The following ACSM5 variants were observed in gnomAD, a reference collection of about 807,000 sequenced individuals.
ACSM5 encodes the protein acyl-CoA synthetase medium chain family member 5, also known as acyl-coenzyme A synthetase ACSM5, mitochondrial.
Under a neutral mutation model 71.6 loss-of-function variants are expected in ACSM5, and 56 were observed. The ratio of observed to expected loss-of-function variants is 0.78; its 90% CI spans 0.63 to 0.98. The LOEUF (loss-of-function observed/expected upper bound fraction) is 0.98, where lower values mean the gene tolerates loss of function less well. ACSM5 is among the 50% of genes least tolerant of loss of function. The pLI is 0.00. For missense variants in ACSM5, 723 were observed against 726.0 expected (o/e 1.00, Z 0.05); for synonymous variants, 285 against 281.5 (o/e 1.01, Z -0.12).
At chr16:20,429,916 G>T (rs1201145147) in intron 8 of ACSM5, 115 bp downstream of exon 8, 23 of 1,305,400 alleles carry the variant, frequency 1.8e-5, no homozygotes, top group Non-Finnish European at 2.4e-5. Flanking sequence ...CAGGGGAGAA[G>T]CTGATAACAA....
At chr16:20,423,489 C>G (rs566944203) in intron 5 of ACSM5, among the ~76,000 whole-genome samples, 39 of 152,326 alleles carry the variant, frequency 2.6e-4, no homozygotes, top group African/African-American at 7.2e-4. Context: ...TATAATTGCA[C>G]AAGGCTTTGT....
chr16:20,420,833 C>G (rs1398100740), intron 4 of ACSM5, among the ~76,000 whole-genome samples: 1 of 152,156 alleles, frequency 6.6e-6, no homozygotes, highest in African/African-American at 2.4e-5. Context: ...AGCTGATCAT[C>G]CAGATCACAG....
intron 12 of ACSM5, among the ~76,000 whole-genome samples, 199 bp from the exon 13 acceptor site, chr16:20,439,601 C>T (rs951655312): frequency 1.3e-5 from 2 of 150,942 alleles, no homozygotes; most frequent in African/African-American, 4.9e-5. Context: ...CCAGAAAGGT[C>T]AATCCTCCTA....
Position 20,419,359 on chromosome 16 carries a change from T to G in ACSM5, c.547T>G (p.Cys183Gly), listed in dbSNP as rs1460674928. ...AAGGGTGGATGCCATCAGTGCCGAA[T>G]GCCCCTCCCTCCAGACCAAGCTGCT... ...APRVDAISAE[C>G]PSLQTKLLVS... The change falls in exon 4 of 14, where the codon TGC (cysteine) becomes GGC (glycine). Residue 183 changes from cysteine (C) to glycine (G), a missense_variant. By Grantham distance (159) the Cys-to-Gly change is radical (BLOSUM62 -3). Coordinates refer to ENST00000331849, the MANE Select transcript of ACSM5 (RefSeq NM_017888.3). 1 of 1,614,192 alleles carries G rather than the reference T, an allele frequency of 6.2e-7. No individual in the cohort carries two copies.
chr16:20,410,789 A>G (rs1596608621), intron 1 of ACSM5, among the ~76,000 whole-genome samples: 1 of 152,084 alleles, frequency 6.6e-6, no homozygotes, highest in Non-Finnish European at 1.5e-5. Context: ...AAAAGACACT[A>G]AAAGCCCATC....
At chr16:20,436,104 C>T (rs1311789340) in intron 10 of ACSM5, among the ~76,000 whole-genome samples, 1 of 134,272 alleles carries the variant, frequency 7.4e-6, no homozygotes, top group Admixed American at 7.6e-5. Context: ...CTCTTTCTTT[C>T]TTTCTTTTTC....
At chr16:20,429,840 C>A (rs777367807) in intron 8 of ACSM5, 39 bp downstream of exon 8, 2 of 1,603,068 alleles carry the variant, frequency 1.2e-6, no homozygotes, top group Non-Finnish European at 1.7e-6. Flanking sequence ...CCCCCAGGTC[C>A]CCTCGAGAGC....
chr16:20,415,753 A>G (rs530102660), intron 2 of ACSM5, among the ~76,000 whole-genome samples: 23 of 152,336 alleles, frequency 1.5e-4, no homozygotes, highest in African/African-American at 4.6e-4. Context: ...ACAATCACAG[A>G]TGATTAAGGG....
At chr16:20,412,074 G>A (rs1014944916) in intron 2 of ACSM5, 36 of 249,598 alleles carry the variant, frequency 1.4e-4, no homozygotes, top group African/African-American at 6.3e-4. Flanking sequence ...GGCCGGGCGC[G>A]GTGGCTCATG....
Position 20,411,703 on chromosome 16 carries a change from G to A in ACSM5, c.204+15G>A. 2 of 1,613,110 alleles carry A rather than the reference G, an allele frequency of 1.2e-6. No individual in the cohort carries two copies. Among genetic ancestry groups the A allele is most frequent in the African/African-American group, 1.3e-5 (1 of 75,022 alleles). ...GGCTGGAAGAGGTGAAGCCTGTTCTGTCCTAGAGTCCATCTGGGGCATCTG... is the reference window on the plus strand; with the variant it reads ...GGCTGGAAGAGGTGAAGCCTGTTCTATCCTAGAGTCCATCTGGGGCATCTG... On this transcript the variant is annotated intron_variant, in intron 2 of 13. Coordinates refer to ENST00000331849, the MANE Select transcript of ACSM5 (RefSeq NM_017888.3).
At chr16:20,421,127 C>T (rs912602967) in intron 4 of ACSM5, 131 bp from the exon 5 acceptor site, 2 of 1,221,638 alleles carry the variant, frequency 1.6e-6, no homozygotes, top group Admixed American at 6.6e-5. Flanking sequence ...ATTACCCAAG[C>T]CAGAGCTTTC....
intron 2 of ACSM5, among the ~76,000 whole-genome samples, chr16:20,415,468 T>A (rs1287958925): frequency 6.6e-6 from 1 of 152,164 alleles, no homozygotes; most frequent in Non-Finnish European, 1.5e-5. Context: ...ATGGGGTGAA[T>A]CACTGAGACA....
chr16:20,415,570 G>A (rs971192074), intron 2 of ACSM5, among the ~76,000 whole-genome samples: 2 of 152,152 alleles, frequency 1.3e-5, no homozygotes, highest in African/African-American at 4.8e-5. Context: ...TATAGAAGAA[G>A]GCTGTTGGAC....
intron 2 of ACSM5, among the ~76,000 whole-genome samples, chr16:20,417,680 T>A (rs1360982326): frequency 1.3e-5 from 2 of 152,220 alleles, no homozygotes; most frequent in African/African-American, 4.8e-5. Context: ...GTTGTGCACT[T>A]TAAAATGGTG....
chr16:20,424,218 T>C (rs2141650322), intron 6 of ACSM5, 149 bp downstream of exon 6: 1 of 970,882 alleles, frequency 1.0e-6, no homozygotes. Context: ...ATCTGGTTCC[T>C]GACCACCTGG....
At chr16:20,439,949 A>G (rs1208524721) in intron 13 of ACSM5, 30 bp downstream of exon 13, 1 of 1,610,822 alleles carries the variant, frequency 6.2e-7, no homozygotes, top group African/African-American at 1.3e-5. Flanking sequence ...GGGCACAGTG[A>G]TCTGGGAATC....
At chr16:20,418,307 A>G (rs1596612961) in intron 3 of ACSM5, 38 bp downstream of exon 3, 1 of 1,572,384 alleles carries the variant, frequency 6.4e-7, no homozygotes, top group Non-Finnish European at 8.7e-7. Flanking sequence ...TTGGGGGCAG[A>G]CACAACTTGC....
intron 10 of ACSM5, 112 bp from the exon 11 acceptor site, chr16:20,436,940 G>A (rs1174550697): frequency 3.2e-6 from 4 of 1,256,186 alleles, no homozygotes; most frequent in Non-Finnish European, 4.5e-6. Context: ...TTTAGGAACT[G>A]CTGAACTTTC....
In ACSM5 at chr16:20,440,642, A is replaced by G; in HGVS notation, c.*215A>G. 2.0e-6 allele frequency: 1 copy of G among 499,304 alleles called. No individual in the cohort carries two copies. Among genetic ancestry groups the G allele is most frequent in the East Asian group, 3.3e-5 (1 of 29,942 alleles). The allele number at this position is 499,304 out of a possible 1,614,324, so 30.9% of individuals were successfully genotyped here. A position where few individuals can be genotyped will look rare whatever the true frequency, so the allele number is the denominator to read the frequency against. ...ACATAGATGCTGCGCCGCCTAGCAA[A>G]TGCTTGGTGGTTCGACTTCTCCCTC... On this transcript the variant is annotated 3_prime_UTR_variant, in exon 14 of 14. Coordinates refer to ENST00000331849, the MANE Select transcript of ACSM5 (RefSeq NM_017888.3).
Sources: gnomAD v4.1 joint callset for allele counts (sites outside exome capture counted in the v4.1 genomes callset) on GRCh38, gnomAD v4.1.1 for gene constraint, MANE v1.5 for transcripts, NCBI Gene and HGNC (gene_info 2026-07-23, HGNC 2026-07-21) for gene names.